RGSL1: variants seen among roughly 807,000 people sequenced by gnomAD.
The protein encoded by RGSL1 is regulator of G protein signaling like 1.
In RGSL1, 97 loss-of-function variants were observed where a neutral mutation model predicts 124.7. That is an observed-to-expected ratio of 0.78 (90% CI 0.66 to 0.92). The LOEUF is 0.92. Among genes scored for constraint, RGSL1 ranks in the 40% least tolerant of loss-of-function variants. The pLI, the probability that RGSL1 is intolerant of heterozygous loss-of-function variation, is 0.00. For missense variants in RGSL1, 1,233 were observed against 1,288.4 expected (o/e 0.96, Z 0.66); for synonymous variants, 424 against 438.1 (o/e 0.97, Z 0.40).
At chr1:182,514,275 C>T (rs1159394934) in intron 9 of RGSL1, among the ~76,000 whole-genome samples, 2 of 152,108 alleles carry the variant, frequency 1.3e-5, no homozygotes, top group African/African-American at 4.8e-5. Context: ...CCTACATAAG[C>T]CTTCCATTAT....
chr1:182,469,641 T>C lies in RGSL1; in HGVS notation c.302-2755T>C, dbSNP rs924689394. On this transcript the variant is annotated intron_variant, in intron 4 of 21. Coordinates refer to ENST00000294854, the MANE Select transcript of RGSL1 (RefSeq NM_001137669.2). ...ATAGAATTACCATATGGTCCAGCAATTTAACTTCTGAGTATACCTCAAAAG... is the reference window on the plus strand; with the variant it reads ...ATAGAATTACCATATGGTCCAGCAACTTAACTTCTGAGTATACCTCAAAAG... Among the ~76,000 whole-genome samples, 8 of 152,298 alleles carry C rather than the reference T, an allele frequency of 5.3e-5. 1 individual carries two copies. The highest frequency in any genetic ancestry group is 1.9e-4 in the East Asian group (1 of 5,190).
chr1:182,460,675 C>T (rs1210530348), intron 4 of RGSL1: 2 of 455,954 alleles, frequency 4.4e-6, no homozygotes, highest in Non-Finnish European at 8.8e-6. Context: ...TGGAGGGACT[C>T]CCAGGAAGAT....
At chr1:182,498,687 A>G (rs1014324758) in intron 9 of RGSL1, among the ~76,000 whole-genome samples, 1 of 151,952 alleles carries the variant, frequency 6.6e-6, no homozygotes, top group African/African-American at 2.4e-5. Flanking sequence ...TTATTGTGCC[A>G]TGGGCCAACA....
At position 182,540,482 on chromosome 1, in the gene RGSL1, C is replaced by G. The variant is rs3911280; in HGVS notation, c.2669+61C>G. On this transcript the variant is annotated intron_variant, in intron 15 of 21. Coordinates refer to ENST00000294854, the MANE Select transcript of RGSL1 (RefSeq NM_001137669.2). ...ATGACTTTTCATCCTTAGGACTGCC[C>G]AGCAGAAACTGGCTTGATCTGTTAG... 6,377 of 1,453,988 alleles carry G rather than the reference C, an allele frequency of 4.4e-3. 195 individuals are homozygous for G. In the African/African-American group the frequency reaches 0.069, roughly 16 times the overall value. 90.1% of individuals were successfully genotyped at this position (1,453,988 alleles called of 1,614,324 possible).
chr1:182,463,209 G>C (rs1035434351), intron 4 of RGSL1, among the ~76,000 whole-genome samples: 1 of 151,044 alleles, frequency 6.6e-6, no homozygotes, highest in Non-Finnish European at 1.5e-5. Context: ...CAGGAGAATG[G>C]CATGAACCTG....
intron 6 of RGSL1, among the ~76,000 whole-genome samples, chr1:182,477,316 C>T (rs1654367815): frequency 6.6e-6 from 1 of 152,188 alleles, no homozygotes; most frequent in African/African-American, 2.4e-5. Flanking sequence ...ACCCACCCTC[C>T]CATGGTCTTA....
chr1:182,508,288 G>C (rs932769276), intron 9 of RGSL1, among the ~76,000 whole-genome samples: 6 of 82,482 alleles, frequency 7.3e-5, no homozygotes, highest in South Asian at 4.0e-4. Flanking sequence ...GGTGGTGGTG[G>C]TGTTTTTTTT....
At chr1:182,489,877 A>G (rs567773037) in intron 8 of RGSL1, among the ~76,000 whole-genome samples, 1 of 152,348 alleles carries the variant, frequency 6.6e-6, no homozygotes, top group South Asian at 2.1e-4. Flanking sequence ...ATCACTTAAG[A>G]GTTCAATACT....
intron 11 of RGSL1, among the ~76,000 whole-genome samples, chr1:182,528,025 TAAAGA>T (rs1335291628): frequency 6.6e-6 from 1 of 152,134 alleles, no homozygotes; most frequent in Non-Finnish European, 1.5e-5. Context: ...GGGTAATTTA[TAAAGA>T]AAAGAGGATT....
intron 15 of RGSL1, among the ~76,000 whole-genome samples, chr1:182,547,727 G>C (rs550432144): frequency 1.1e-4 from 16 of 152,082 alleles, no homozygotes; most frequent in Non-Finnish European, 2.1e-4. Flanking sequence ...CAGGTGTGGT[G>C]GCAGACGCCT....
chr1:182,500,796 T>C (rs777967974), intron 9 of RGSL1, among the ~76,000 whole-genome samples: 5 of 152,256 alleles, frequency 3.3e-5, no homozygotes, highest in Non-Finnish European at 5.9e-5. Context: ...TTGTTCATTG[T>C]GAGTATATAG....
At chr1:182,541,706 G>T (rs139226972) in intron 15 of RGSL1, among the ~76,000 whole-genome samples, 10 of 152,184 alleles carry the variant, frequency 6.6e-5, no homozygotes, top group African/African-American at 2.2e-4. Context: ...CAGGTACAAG[G>T]TTTCCCCTTT....
In RGSL1 at chr1:182,549,310, C is replaced by T. The variant is rs113146999; in HGVS notation, c.2933+486C>T. The T allele has an allele frequency of 2.8e-3, 427 of 153,914 alleles. 1 individual carries two copies. Among genetic ancestry groups the T allele is most frequent in the Middle Eastern group, 6.8e-3 (2 of 294 alleles). 9.5% of individuals were successfully genotyped at this position (153,914 alleles called of 1,614,324 possible). On this transcript the variant is annotated intron_variant, in intron 17 of 21. Coordinates refer to ENST00000294854, the MANE Select transcript of RGSL1 (RefSeq NM_001137669.2). Reference sequence around the variant, plus strand: ...ACTCCAATTATCAAGAGGAGCTAGACATTGAAATGTGTATTTCATCTCTCC... The same window carrying T: ...ACTCCAATTATCAAGAGGAGCTAGATATTGAAATGTGTATTTCATCTCTCC...
At chr1:182,497,143 G>A (rs1655977245) in intron 9 of RGSL1, among the ~76,000 whole-genome samples, 4 of 151,910 alleles carry the variant, frequency 2.6e-5, no homozygotes, top group Admixed American at 2.6e-4. Context: ...ATAATGGCAA[G>A]ACAGTAAATA....
chr1:182,505,034 C>T (rs942732543), intron 9 of RGSL1, among the ~76,000 whole-genome samples: 3 of 152,148 alleles, frequency 2.0e-5, no homozygotes, highest in Non-Finnish European at 2.9e-5. Context: ...ACCCTTATTA[C>T]CCCATATGTA....
rs1330449605 is a variant in RGSL1, at chr1:182,548,695, G to A, written c.2809-5G>A. 24 of 1,551,332 alleles carry A rather than the reference G, an allele frequency of 1.5e-5. No homozygotes were observed. In the Admixed American group the frequency reaches 4.1e-4, roughly 27 times the overall value. On this transcript the variant is annotated splice_polypyrimidine_tract_variant and splice_region_variant and intron_variant, in intron 16 of 21. Coordinates refer to ENST00000294854, the MANE Select transcript of RGSL1 (RefSeq NM_001137669.2). ...GCCAGTGACAGGCTCCCACTCTGTG[G>A]GTAGGTGAATGTCCCTGAGTTCCAG...
chr1:182,558,024 T>G (rs1267272761), intron 21 of RGSL1, among the ~76,000 whole-genome samples: 1 of 151,330 alleles, frequency 6.6e-6, no homozygotes, highest in Non-Finnish European at 1.5e-5. Context: ...GCCAACCTGG[T>G]GTTGCCAGAG....
intron 9 of RGSL1, among the ~76,000 whole-genome samples, chr1:182,509,918 C>T (rs1657261828): frequency 7.1e-6 from 1 of 141,538 alleles, no homozygotes; most frequent in Non-Finnish European, 1.6e-5. Flanking sequence ...CCTCACTTCT[C>T]AGACGGGGTG....
intron 7 of RGSL1, 183 bp downstream of exon 7, chr1:182,488,530 A>G: frequency 5.0e-6 from 3 of 603,304 alleles, no homozygotes; most frequent in Middle Eastern, 3.6e-4. Flanking sequence ...GACTCAGTGC[A>G]TAAGATGACT....
Sources: gnomAD v4.1 joint callset for allele counts (sites outside exome capture counted in the v4.1 genomes callset) on GRCh38, gnomAD v4.1.1 for gene constraint, MANE v1.5 for transcripts, NCBI Gene and HGNC (gene_info 2026-07-23, HGNC 2026-07-21) for gene names.